PARD6G: variants seen among roughly 807,000 people sequenced by gnomAD.
The protein encoded by PARD6G is par-6 family cell polarity regulator gamma.
Under a neutral mutation model 10.7 loss-of-function variants are expected in PARD6G, and 7 were observed. The ratio of observed to expected loss-of-function variants is 0.66; its 90% CI spans 0.37 to 1.23. The LOEUF (loss-of-function observed/expected upper bound fraction) is 1.23, where lower values mean the gene tolerates loss of function less well. Ranked by LOEUF, PARD6G falls within the 50% of genes most tolerant of loss-of-function variation. The probability of loss-of-function intolerance (pLI) is 0.02; values close to 1 mark genes in which losing one functional copy is unlikely to be tolerated. For missense variants in PARD6G, 548 were observed against 571.8 expected, an observed-to-expected ratio of 0.96 and a Z score of 0.42; for synonymous variants, 287 against 269.4, an observed-to-expected ratio of 1.07 and a Z score of -0.64.
At chr18:80,197,229 C>A (rs747016261) in intron 2 of PARD6G, among the ~76,000 whole-genome samples, 1 of 152,132 alleles carries the variant, frequency 6.6e-6, no homozygotes, top group Non-Finnish European at 1.5e-5. Flanking sequence ...ACCAAACATA[C>A]CTCTAGCTAT....
At position 80,184,518 on chromosome 18, in the gene PARD6G, CGTGAAACCCGCAGCGGGAGCAAGGCA is replaced by C. The variant is rs748504544; in HGVS notation, c.295+18166_295+18191del. ...GTGAAACCCGCAGAGGGAGCAAGGC[CGTGAAACCCGCAGCGGGAGCAAGGCA>C]GTGAAACCCTCAGAGGGAGCAAGGC... On this transcript the variant is annotated intron_variant, in intron 2 of 2. Coordinates refer to ENST00000353265, the MANE Select transcript of PARD6G (RefSeq NM_032510.4). This position sits in a 1 kb window ranked among gnomAD's most constrained non-coding sequence, Gnocchi z 4.5. The C allele has an allele frequency of 0.016, 2,468 of 151,488 alleles. 27 individuals are homozygous for C. The highest frequency in any genetic ancestry group is 0.025 in the African/African-American group (1,023 of 41,058). 9.4% of individuals were successfully genotyped at this position (151,488 alleles called of 1,614,324 possible).
At chr18:80,193,546 A>C (rs574453420) in intron 2 of PARD6G, among the ~76,000 whole-genome samples, 16 of 152,378 alleles carry the variant, frequency 1.1e-4, no homozygotes, top group Non-Finnish European at 1.5e-4. Flanking sequence ...AGATTAAAAC[A>C]TTCTGGAGAC....
intron 2 of PARD6G, among the ~76,000 whole-genome samples, chr18:80,194,361 A>G (rs1966930592): frequency 6.6e-6 from 1 of 152,170 alleles, no homozygotes; most frequent in South Asian, 2.1e-4. Flanking sequence ...CATGAACTAA[A>G]TTTCAAACTT....
intron 2 of PARD6G, among the ~76,000 whole-genome samples, chr18:80,167,432 G>A (rs2052744203): frequency 6.6e-6 from 1 of 152,190 alleles, no homozygotes. Flanking sequence ...CAAGCTTGGA[G>A]CAGGTACTCC....
intron 2 of PARD6G, among the ~76,000 whole-genome samples, chr18:80,177,649 CACAT>C (rs952782297): frequency 2.6e-5 from 4 of 151,408 alleles, no homozygotes; most frequent in Non-Finnish European, 4.4e-5. Context: ...GGGAAGCACA[CACAT>C]GCATGCATGC....
Position 80,159,881 on chromosome 18 carries a change from G to A in PARD6G, c.1021C>T (p.Leu341=). The change falls in exon 3 of 3, where the codon CTG becomes TTG. Residue 341 remains leucine, a synonymous_variant. Coordinates refer to ENST00000353265, the MANE Select transcript of PARD6G (RefSeq NM_032510.4). ...LAQRLQRDLA[L]DGGLQRLLSS... ...AGCAGCCGCTGGAGGCCGCCGTCCA[G>A]GGCCAGGTCCCGCTGCAGCCGCTGC... is the stretch of plus-strand genomic sequence containing the variant. The A allele has an allele frequency of 6.6e-7, 1 of 1,515,102 alleles. No homozygotes were observed. Among genetic ancestry groups the A allele is most frequent in the Non-Finnish European group, 8.8e-7 (1 of 1,137,498 alleles). The allele number at this position is 1,515,102 out of a possible 1,614,324, so 93.9% of individuals were successfully genotyped here.
intron 1 of PARD6G, among the ~76,000 whole-genome samples, chr18:80,215,924 G>C (rs1283151849): frequency 6.6e-6 from 1 of 152,050 alleles, no homozygotes; most frequent in African/African-American, 2.4e-5. Context: ...TTGAAAGAAA[G>C]GGGATGGAAA....
At chr18:80,171,060 A>C (rs2052772545) in intron 2 of PARD6G, 1 of 152,172 alleles carries the variant, frequency 6.6e-6, no homozygotes, top group African/African-American at 2.4e-5. Flanking sequence ...CTCTCTATTA[A>C]AAATACCACC....
At chr18:80,236,072 C>T (rs1473952605) in intron 1 of PARD6G, among the ~76,000 whole-genome samples, 3 of 152,322 alleles carry the variant, frequency 2.0e-5, no homozygotes, top group Middle Eastern at 3.4e-3. Flanking sequence ...AGACCAATAT[C>T]GCTGATGAGC....
rs926598322 is a variant in PARD6G, at chr18:80,192,245, G to T, written c.295+10465C>A. ...AGAACATCAATGAACACTCTCCTTC[G>T]GTGGTCTCTGAGTCGTCCCTGAGGT... On this transcript the variant is annotated intron_variant, in intron 2 of 2. Coordinates refer to ENST00000353265, the MANE Select transcript of PARD6G (RefSeq NM_032510.4). This position sits in a 1 kb window ranked among gnomAD's most constrained non-coding sequence, Gnocchi z 4.9. 6.6e-6 allele frequency among the ~76,000 whole-genome samples: 1 copy of T among 152,206 alleles called. No homozygotes were observed. Among genetic ancestry groups the T allele is most frequent in the Non-Finnish European group, 1.5e-5 (1 of 68,028 alleles).
chr18:80,216,909 A>G (rs1205659551), intron 1 of PARD6G, among the ~76,000 whole-genome samples: 1 of 152,180 alleles, frequency 6.6e-6, no homozygotes, highest in Non-Finnish European at 1.5e-5. Context: ...TACTAAAATC[A>G]GTAATGGTGA....
chr18:80,208,231 C>G (rs1967073556), intron 1 of PARD6G, among the ~76,000 whole-genome samples: 1 of 152,118 alleles, frequency 6.6e-6, no homozygotes, highest in Non-Finnish European at 1.5e-5. Context: ...ACATCCTTTG[C>G]AAACTATTTA....
At chr18:80,204,764 C>T (rs970945396) in intron 1 of PARD6G, among the ~76,000 whole-genome samples, 4 of 152,036 alleles carry the variant, frequency 2.6e-5, no homozygotes, top group Admixed American at 2.6e-4. Context: ...GCCTGGCCAA[C>T]ATGGTGAAAC....
chr18:80,176,865 G>A (rs944364059), intron 2 of PARD6G, among the ~76,000 whole-genome samples: 6 of 151,814 alleles, frequency 4.0e-5, no homozygotes, highest in African/African-American at 1.2e-4. Context: ...ACACATGCAC[G>A]GGATAAGTCA....
At chr18:80,217,114 G>T (rs1244120656) in intron 1 of PARD6G, among the ~76,000 whole-genome samples, 2 of 152,070 alleles carry the variant, frequency 1.3e-5, no homozygotes, top group Non-Finnish European at 2.9e-5. Flanking sequence ...ACAAAACAAA[G>T]CCCATAATCA....
At position 80,189,089 on chromosome 18, in the gene PARD6G, G is replaced by A. The variant is rs914276579; in HGVS notation, c.295+13621C>T. On this transcript the variant is annotated intron_variant, in intron 2 of 2. Coordinates refer to ENST00000353265, the MANE Select transcript of PARD6G (RefSeq NM_032510.4). The surrounding 1 kb of genome is among the most constrained non-coding windows in gnomAD (Gnocchi z 5.5). ...AGATCTGGCTTCATGGCCTGGTTGT[G>A]ATTCACCCTGTATTTATACAACACT... Among the ~76,000 whole-genome samples the A allele has an allele frequency of 2.0e-5, 3 of 152,190 alleles. No individual in the cohort carries two copies. The highest frequency in any genetic ancestry group is 4.8e-5 in the African/African-American group (2 of 41,432).
chr18:80,172,804 C>T (rs2052785910), intron 2 of PARD6G, among the ~76,000 whole-genome samples: 3 of 152,316 alleles, frequency 2.0e-5, no homozygotes, highest in South Asian at 2.1e-4. Context: ...TTCTCAATAG[C>T]GTCCATTGAC....
At position 80,236,688 on chromosome 18, in the gene PARD6G, A is replaced by G. The variant is rs147100659; in HGVS notation, c.72+10589T>C. ...ACAAAATCGATGTGCAGAAATCACA[A>G]GCATTCTTATACACCAATAACAAAC... On this transcript the variant is annotated intron_variant, in intron 1 of 2. Coordinates refer to ENST00000353265, the MANE Select transcript of PARD6G (RefSeq NM_032510.4). Among the ~76,000 whole-genome samples the G allele has an allele frequency of 4.3e-4, 66 of 152,358 alleles. No individual in the cohort carries two copies. In the East Asian group the frequency reaches 0.013, roughly 29 times the overall value.
intron 1 of PARD6G, among the ~76,000 whole-genome samples, chr18:80,210,928 T>G (rs577842334): frequency 1.4e-5 from 2 of 143,170 alleles, no homozygotes; most frequent in East Asian, 4.2e-4. Flanking sequence ...TAGTCATTCC[T>G]TTGAGTCAAT....
Sources: allele counts gnomAD v4.1 joint callset (sites outside exome capture counted in the v4.1 genomes callset), GRCh38; gene constraint gnomAD v4.1.1; non-coding constraint Gnocchi (gnomAD v3.1); transcripts MANE v1.5; gene names NCBI Gene and HGNC (gene_info 2026-07-23, HGNC 2026-07-21).